Variants in ZNF280D observed in about 807,000 individuals in gnomAD.
ZNF280D encodes suppressor of hairy wing homolog 4.
Under a neutral mutation model 94.7 loss-of-function variants are expected in ZNF280D, and 39 were observed. The ratio of observed to expected loss-of-function variants is 0.41; its 90% CI spans 0.32 to 0.54. The LOEUF (loss-of-function observed/expected upper bound fraction) is 0.54, where lower values mean the gene tolerates loss of function less well. Ranked by LOEUF, ZNF280D falls within the 20% of genes least tolerant of loss-of-function variation. The pLI is 0.22. For synonymous variants in ZNF280D, 398 were observed against 377.6 expected, an observed-to-expected ratio of 1.05 and a Z score of -0.63; for missense variants, 1,090 against 1,149.3, an observed-to-expected ratio of 0.95 and a Z score of 0.75.
At chr15:56,704,328 G>T in intron 3 of ZNF280D, 61 bp from the exon 4 acceptor site, 1 of 1,439,390 alleles carries the variant, frequency 6.9e-7, no homozygotes, top group East Asian at 2.5e-5. Flanking sequence ...AAACATTTTT[G>T]TAATACATAG....
intron 1 of ZNF280D, among the ~76,000 whole-genome samples, chr15:56,708,106 C>T (rs1005471047): frequency 2.0e-5 from 3 of 152,008 alleles, no homozygotes; most frequent in African/African-American, 4.8e-5. Context: ...ATCTAAAACA[C>T]TGGAATATAT....
At chr15:56,638,496 G>A (rs1186784716) in intron 20 of ZNF280D, among the ~76,000 whole-genome samples, 2 of 152,108 alleles carry the variant, frequency 1.3e-5, no homozygotes, top group Admixed American at 6.6e-5. Flanking sequence ...GAAGTACTGG[G>A]TGAGGCTGGG....
intron 6 of ZNF280D, among the ~76,000 whole-genome samples, chr15:56,696,872 A>G (rs1255524523): frequency 1.3e-5 from 2 of 152,224 alleles, no homozygotes; most frequent in Non-Finnish European, 2.9e-5. Context: ...ACTGGGAACC[A>G]TCAGCTGAGG....
intron 1 of ZNF280D, 122 bp downstream of exon 1, chr15:56,733,336 C>T: frequency 3.8e-6 from 2 of 531,846 alleles, no homozygotes; most frequent in African/African-American, 2.1e-5. Context: ...TGGGCGCTCC[C>T]GACGACCCGC....
intron 1 of ZNF280D, among the ~76,000 whole-genome samples, chr15:56,709,814 C>T (rs1216604994): frequency 6.6e-6 from 1 of 151,954 alleles, no homozygotes; most frequent in Non-Finnish European, 1.5e-5. Flanking sequence ...ACAATGAGAA[C>T]ACTTGGACAC....
At chr15:56,641,501 C>G (rs540390943) in intron 20 of ZNF280D, among the ~76,000 whole-genome samples, 1 of 151,886 alleles carries the variant, frequency 6.6e-6, no homozygotes, top group Non-Finnish European at 1.5e-5. Flanking sequence ...TCTTGATGCC[C>G]ATAATGTAAC....
At chr15:56,653,520 C>T in intron 19 of ZNF280D, 1 of 1,520,962 alleles carries the variant, frequency 6.6e-7, no homozygotes, top group Non-Finnish European at 8.8e-7. Flanking sequence ...AGAGAACAGG[C>T]ATCAGTTGTG....
At chr15:56,665,629 TAA>T (rs1159494157) in intron 16 of ZNF280D, among the ~76,000 whole-genome samples, 1 of 144,078 alleles carries the variant, frequency 6.9e-6, no homozygotes, top group African/African-American at 2.6e-5. Flanking sequence ...CTGAAAATCT[TAA>T]AGTCTCTCAA....
At chr15:56,692,010 A>G (rs980994661) in intron 7 of ZNF280D, among the ~76,000 whole-genome samples, 2 of 152,160 alleles carry the variant, frequency 1.3e-5, no homozygotes, top group Non-Finnish European at 2.9e-5. Context: ...TGCTCAGGCT[A>G]AAGTCCCACT....
At chr15:56,733,138 G>A (rs1468150189) in intron 1 of ZNF280D, 2 of 153,014 alleles carry the variant, frequency 1.3e-5, no homozygotes, top group Non-Finnish European at 2.9e-5. Context: ...AACCAGGCTG[G>A]GGACAAACAG....
At chr15:56,656,104 CAT>C (rs1485297428) in intron 17 of ZNF280D, among the ~76,000 whole-genome samples, 1 of 152,102 alleles carries the variant, frequency 6.6e-6, no homozygotes, top group Non-Finnish European at 1.5e-5. Flanking sequence ...TATTAAAACG[CAT>C]AGTTATTTAT....
At chr15:56,726,890 A>G (rs2058654347) in intron 1 of ZNF280D, among the ~76,000 whole-genome samples, 1 of 152,184 alleles carries the variant, frequency 6.6e-6, no homozygotes, top group African/African-American at 2.4e-5. Context: ...CAGATTCACA[A>G]GAGAAGAAGC....
At chr15:56,703,088 C>A (rs1481802037) in intron 4 of ZNF280D, among the ~76,000 whole-genome samples, 1 of 152,136 alleles carries the variant, frequency 6.6e-6, no homozygotes, top group East Asian at 1.9e-4. Context: ...TCTGCACTGT[C>A]ATACATTTTT....
intron 1 of ZNF280D, among the ~76,000 whole-genome samples, chr15:56,709,461 A>C (rs1248764634): frequency 6.6e-6 from 1 of 152,184 alleles, no homozygotes; most frequent in Non-Finnish European, 1.5e-5. Context: ...CGATTCCTCA[A>C]GGATCTAGTA....
intron 13 of ZNF280D, among the ~76,000 whole-genome samples, chr15:56,671,436 C>G (rs2054856499): frequency 6.6e-6 from 1 of 152,032 alleles, no homozygotes; most frequent in Non-Finnish European, 1.5e-5. Flanking sequence ...TAGGGGAATC[C>G]TTTCCCCATA....
At chr15:56,642,457 T>C (rs1226222050) in intron 20 of ZNF280D, among the ~76,000 whole-genome samples, 1 of 151,830 alleles carries the variant, frequency 6.6e-6, no homozygotes, top group Admixed American at 6.6e-5. Flanking sequence ...TCTACAGTCA[T>C]CTATTAGACT....
intron 6 of ZNF280D, chr15:56,699,690 T>C (rs2056944731): frequency 1.7e-6 from 1 of 587,180 alleles, no homozygotes; most frequent in Admixed American, 6.3e-5. Context: ...ATCAGGTAGT[T>C]TACCTCACAA....
chr15:56,668,908 C>A lies in ZNF280D; in HGVS notation c.1460G>T (p.Cys487Phe). ...CTKCRLQFLT[C>F]KEKMDHKTQH... ...AGTCTTATGATCCATTTTCTCCTTG[C>A]ATGTCAAAAACTGCAGCCTGCATTT... is the stretch of plus-strand genomic sequence containing the variant. Residue 487 changes from cysteine (C) to phenylalanine (F), a missense_variant, in exon 14 of 22, where the codon TGC becomes TTC. Physicochemically the swap from Cys to Phe is radical, Grantham distance 205 (BLOSUM62 -2). Coordinates refer to ENST00000267807, the MANE Select transcript of ZNF280D (RefSeq NM_017661.4). The A allele has an allele frequency of 6.2e-7, 1 of 1,612,114 alleles. No individual in the cohort carries two copies. Among genetic ancestry groups the A allele is most frequent in the Non-Finnish European group, 8.5e-7 (1 of 1,178,998 alleles).
intron 6 of ZNF280D, chr15:56,700,019 G>T: frequency 5.5e-6 from 1 of 181,996 alleles, no homozygotes; most frequent in Non-Finnish European, 1.0e-5. Context: ...CATCACCAGT[G>T]CAAATGCCAA....
Sources: gnomAD v4.1 joint callset for allele counts (sites outside exome capture counted in the v4.1 genomes callset) on GRCh38, gnomAD v4.1.1 for gene constraint, MANE v1.5 for transcripts, NCBI Gene and HGNC (gene_info 2026-07-23, HGNC 2026-07-21) for gene names.